Variants in CNOT6L observed in about 807,000 individuals in gnomAD.
CNOT6L encodes the protein CCR4-NOT transcription complex subunit 6 like.
A neutral mutation model predicts 64.0 loss-of-function variants in CNOT6L; 7 were observed. That is an observed-to-expected ratio of 0.11 (90% CI 0.06 to 0.21). The LOEUF (loss-of-function observed/expected upper bound fraction) is 0.21, where lower values mean the gene tolerates loss of function less well. CNOT6L is among the 10% of genes least tolerant of loss of function. The pLI, the probability that CNOT6L is intolerant of heterozygous loss-of-function variation, is 1.00. For synonymous variants in CNOT6L, 193 were observed against 243.4 expected (o/e 0.79, Z 1.93); for missense variants, 245 against 669.0 (o/e 0.37, Z 6.99).
chr4:77,728,738 T>C (rs1158118277), intron 10 of CNOT6L, 116 bp downstream of exon 10: 2 of 762,098 alleles, frequency 2.6e-6, no homozygotes, highest in Non-Finnish European at 4.5e-6. Flanking sequence ...GTCCCATCCA[T>C]GGAATTCTTA....
intron 11 of CNOT6L, among the ~76,000 whole-genome samples, chr4:77,721,779 T>A (rs1721305464): frequency 1.3e-5 from 2 of 152,034 alleles, no homozygotes; most frequent in Admixed American, 6.6e-5. Context: ...AAGACCAGCC[T>A]GGTAAACATA....
intron 1 of CNOT6L, among the ~76,000 whole-genome samples, chr4:77,788,453 C>T (rs867435931): frequency 1.3e-5 from 2 of 152,270 alleles, no homozygotes; most frequent in African/African-American, 4.8e-5. Context: ...TTCGGCCAGG[C>T]ACCATGGCTC....
chr4:77,819,070 A>ACACACACACAC, intron 1 of CNOT6L: 1 of 724,546 alleles, frequency 1.4e-6, no homozygotes, highest in Non-Finnish European at 2.4e-6. Context: ...ACACACACAC[A>ACACACACACAC]CACACCCCGG....
chr4:77,725,391 T>G (rs1032529993), intron 11 of CNOT6L, among the ~76,000 whole-genome samples: 2 of 152,190 alleles, frequency 1.3e-5, no homozygotes, highest in Admixed American at 6.5e-5. Context: ...AAGATTCTAC[T>G]ATAGATGCCT....
intron 8 of CNOT6L, among the ~76,000 whole-genome samples, chr4:77,734,064 C>A (rs961593140): frequency 6.6e-6 from 1 of 152,128 alleles, no homozygotes. Flanking sequence ...CAGCCTTCTT[C>A]ATTTTTTAAC....
At chr4:77,785,954 C>T (rs554114646) in intron 1 of CNOT6L, among the ~76,000 whole-genome samples, 2 of 152,026 alleles carry the variant, frequency 1.3e-5, no homozygotes, top group East Asian at 1.9e-4. Flanking sequence ...ACAGACAAAG[C>T]GAAAATAAAA....
chr4:77,813,266 T>C lies in CNOT6L; in HGVS notation c.5+6038A>G, dbSNP rs2110185605. On this transcript the variant is annotated intron_variant, in intron 1 of 11. Coordinates refer to ENST00000504123, the MANE Select transcript of CNOT6L (RefSeq NM_144571.3). ...TCAGGACAAAACAGGGAAGTAAATATCTGTGGCCTTAGATTAGATATATTA... is the reference window on the plus strand; with the variant it reads ...TCAGGACAAAACAGGGAAGTAAATACCTGTGGCCTTAGATTAGATATATTA... 1.4e-5 allele frequency among the ~76,000 whole-genome samples: 2 copies of C among 142,576 alleles called. 1 individual carries two copies. Among genetic ancestry groups the C allele is most frequent in the South Asian group, 4.7e-4 (2 of 4,272 alleles). 93.5% of individuals were successfully genotyped at this position (142,576 alleles called of 152,430 possible). A position where few individuals can be genotyped will look rare whatever the true frequency, so the allele number is the denominator to read the frequency against.
At chr4:77,779,157 G>C (rs1298781525) in intron 1 of CNOT6L, among the ~76,000 whole-genome samples, 1 of 151,648 alleles carries the variant, frequency 6.6e-6, no homozygotes, top group Non-Finnish European at 1.5e-5. Flanking sequence ...GTTCCTTAAG[G>C]GGACTATGTT....
chr4:77,799,738 C>A (rs1195288508), intron 1 of CNOT6L, among the ~76,000 whole-genome samples: 2 of 147,650 alleles, frequency 1.4e-5, no homozygotes, highest in Non-Finnish European at 3.0e-5. Context: ...CATGTTCAGA[C>A]CCAAACTAAG....
rs1222449229 is a variant in CNOT6L at position 77,716,953 on chromosome 4, A to G, written c.*3478T>C. The G allele has an allele frequency of 6.6e-6, 1 of 152,568 alleles. No individual in the cohort carries two copies. The highest frequency in any genetic ancestry group is 1.5e-5 in the Non-Finnish European group (1 of 68,004). The allele number at this position is 152,568 out of a possible 1,614,324, so 9.5% of individuals were successfully genotyped here. On this transcript the variant is annotated 3_prime_UTR_variant, in exon 12 of 12. Coordinates refer to ENST00000504123, the MANE Select transcript of CNOT6L (RefSeq NM_144571.3). ...ACCCATTGTGCCATACCTGACTTCAACATGTGATATTCAAACGAATGTTCA... is the reference window on the plus strand; with the variant it reads ...ACCCATTGTGCCATACCTGACTTCAGCATGTGATATTCAAACGAATGTTCA...
intron 1 of CNOT6L, chr4:77,819,092 G>GCGCGCA (rs1560446060): frequency 1.8e-6 from 1 of 564,006 alleles, no homozygotes; most frequent in African/African-American, 3.4e-5. Flanking sequence ...ACCTTCGCCC[G>GCGCGCA]CCTCTGAAGA....
intron 1 of CNOT6L, among the ~76,000 whole-genome samples, chr4:77,789,674 A>T (rs1249420676): frequency 1.3e-5 from 2 of 151,642 alleles, no homozygotes; most frequent in Non-Finnish European, 2.9e-5. Flanking sequence ...AAAAAAGCCA[A>T]GCATGATGGA....
At chr4:77,758,568 T>A (rs188344983) in intron 4 of CNOT6L, among the ~76,000 whole-genome samples, 2 of 152,238 alleles carry the variant, frequency 1.3e-5, no homozygotes, top group Non-Finnish European at 2.9e-5. Flanking sequence ...CAAACTGCTG[T>A]CCCAAACACA....
At chr4:77,777,791 CAT>C (rs778847897) in intron 1 of CNOT6L, among the ~76,000 whole-genome samples, 3 of 152,016 alleles carry the variant, frequency 2.0e-5, no homozygotes, top group Admixed American at 1.3e-4. Context: ...AAATTTGTAA[CAT>C]ATAGAGATTA....
intron 2 of CNOT6L, 139 bp from the exon 3 acceptor site, chr4:77,774,855 T>C (rs1442976412): frequency 1.8e-6 from 1 of 547,714 alleles, no homozygotes; most frequent in Admixed American, 3.8e-5. Flanking sequence ...TTTTATTTAA[T>C]GCCATTTGAT....
intron 1 of CNOT6L, among the ~76,000 whole-genome samples, chr4:77,805,389 T>C (rs1205486021): frequency 6.6e-6 from 1 of 152,160 alleles, no homozygotes; most frequent in East Asian, 1.9e-4. Flanking sequence ...GTAATTAACC[T>C]AGGTTCCATA....
chr4:77,818,961 G>C, intron 1 of CNOT6L: 1 of 660,814 alleles, frequency 1.5e-6, no homozygotes, highest in East Asian at 2.9e-5. Context: ...GGCCCCCTAG[G>C]AGCAGCTCTC....
At chr4:77,732,753 GAA>G (rs1246128403) in intron 8 of CNOT6L, among the ~76,000 whole-genome samples, 1 of 152,072 alleles carries the variant, frequency 6.6e-6, no homozygotes, top group Non-Finnish European at 1.5e-5. Flanking sequence ...ATCCCAGGTA[GAA>G]AATGTGAAAG....
At chr4:77,764,826 T>G (rs1194906822) in intron 4 of CNOT6L, among the ~76,000 whole-genome samples, 9 of 152,132 alleles carry the variant, frequency 5.9e-5, no homozygotes, top group African/African-American at 1.9e-4. Flanking sequence ...CTGTTCAGCA[T>G]GAAGAAGTTA....
Sources: allele counts gnomAD v4.1 joint callset (sites outside exome capture counted in the v4.1 genomes callset), GRCh38; gene constraint gnomAD v4.1.1; transcripts MANE v1.5; gene names NCBI Gene and HGNC (gene_info 2026-07-23, HGNC 2026-07-21).